Variants in GLI2 observed in about 807,000 individuals in gnomAD.
The protein encoded by GLI2 is GLI family zinc finger 2, also known as transcription activator GLI2.
GLI2 carries 22 observed loss-of-function variants against 78.9 expected under a neutral mutation model. The ratio of observed to expected loss-of-function variants is 0.28; its 90% CI spans 0.20 to 0.40. The LOEUF (loss-of-function observed/expected upper bound fraction) is 0.40, where lower values mean the gene tolerates loss of function less well. Ranked by LOEUF, GLI2 falls within the 10% of genes least tolerant of loss-of-function variation. GLI2 has a pLI of 1.00. For synonymous variants in GLI2, 974 were observed against 963.7 expected (o/e 1.01, Z -0.20); for missense variants, 2,097 against 2,213.2 (o/e 0.95, Z 1.05).
Position 120,990,214 on chromosome 2 carries a change from C to A in GLI2, c.4249C>A (p.Gln1417Lys), listed in dbSNP as rs1021233659. 6 of 1,613,582 alleles carry A rather than the reference C, an allele frequency of 3.7e-6. No homozygotes were observed. The highest frequency in any genetic ancestry group is 5.1e-6 in the Non-Finnish European group (6 of 1,180,032). Residue 1417 changes from glutamine (Q) to lysine (K), a missense_variant, in exon 14 of 14, where the codon CAG (glutamine) becomes AAG (lysine). Gln to Lys is a moderately conservative substitution (Grantham distance 53, BLOSUM62 1). This residue lies in a region of GLI2 where 1,290 missense variants were observed against 1,261.7 expected (regional missense o/e 1.02). Coordinates refer to ENST00000361492, the MANE Select transcript of GLI2 (RefSeq NM_001374353.1). Reference sequence around the variant, plus strand: ...GTCGGTGCCTCCCCAGCCGCCTCCGCAGGACGCAGGTGGGGCCCCGGACCA... The same window carrying A: ...GTCGGTGCCTCCCCAGCCGCCTCCGAAGGACGCAGGTGGGGCCCCGGACCA... The part of the protein sequence containing the change: ...MGSVPPQPPP[Q>K]DAGGAPDHSM...
chr2:120,819,235 A>G (rs560801535), intron 2 of GLI2, among the ~76,000 whole-genome samples: 11 of 112,972 alleles, frequency 9.7e-5, no homozygotes, highest in Admixed American at 6.1e-4. Context: ...TGCCACTAAT[A>G]GAGATTTTTT....
At chr2:120,890,293 C>A (rs1677614762) in intron 2 of GLI2, among the ~76,000 whole-genome samples, 1 of 152,030 alleles carries the variant, frequency 6.6e-6, no homozygotes, top group Non-Finnish European at 1.5e-5. Flanking sequence ...TCAATGGTTT[C>A]CAGGGTTTAA....
At chr2:120,878,316 G>A (rs556418473) in intron 2 of GLI2, among the ~76,000 whole-genome samples, 24 of 152,146 alleles carry the variant, frequency 1.6e-4, no homozygotes, top group Non-Finnish European at 3.4e-4. Flanking sequence ...GCCAATAATG[G>A]CTCTAACTGA....
chr2:120,778,078 T>C (rs1683734917), intron 1 of GLI2, among the ~76,000 whole-genome samples: 2 of 152,164 alleles, frequency 1.3e-5, no homozygotes, highest in South Asian at 4.2e-4. Flanking sequence ...GGGCTTGTTT[T>C]TGTTTGGAGG....
At chr2:120,881,607 C>T (rs950846609) in intron 2 of GLI2, among the ~76,000 whole-genome samples, 3 of 29,818 alleles carry the variant, frequency 1.0e-4, no homozygotes, top group African/African-American at 2.7e-4. Context: ...GCTGGGGTGG[C>T]GGGGGGGAGG....
intron 2 of GLI2, among the ~76,000 whole-genome samples, chr2:120,924,947 G>A (rs1679588017): frequency 6.6e-6 from 1 of 152,244 alleles, no homozygotes; most frequent in South Asian, 2.1e-4. Context: ...AGCCATGTAG[G>A]TAGTTACTGT....
chr2:120,901,629 C>A (rs1448722593), intron 2 of GLI2, among the ~76,000 whole-genome samples: 2 of 152,194 alleles, frequency 1.3e-5, no homozygotes, highest in East Asian at 1.9e-4. Flanking sequence ...CATCCTGTTT[C>A]TTATTATTTG....
chr2:120,763,123 T>A (rs2104647538), intron 1 of GLI2, among the ~76,000 whole-genome samples: 1 of 152,322 alleles, frequency 6.6e-6, no homozygotes, highest in South Asian at 2.1e-4. Flanking sequence ...CTGGACTTAA[T>A]CTTGGGTTCT....
intron 2 of GLI2, among the ~76,000 whole-genome samples, chr2:120,811,827 C>G (rs1308165988): frequency 6.6e-6 from 1 of 152,104 alleles, no homozygotes; most frequent in African/African-American, 2.4e-5. Context: ...TCAGAAGATT[C>G]TTTTTCCTCC....
Position 120,990,280 on chromosome 2 carries a change from C to A in GLI2, c.4315C>A (p.Gln1439Lys). ...CTACGGCCAGATCCACATGTACGAA[C>A]AGGATGGAGGCCTGGAGAACCTCGG... Reference protein sequence around the residue: ...YYYGQIHMYEQDGGLENLGSC... With the variant: ...YYYGQIHMYEKDGGLENLGSC... Residue 1439 changes from glutamine to lysine, a missense_variant, in exon 14 of 14, where the codon CAG (glutamine) becomes AAG (lysine). Gln to Lys is a moderately conservative substitution (Grantham distance 53). Around this residue, in one of 5 missense-constraint regions of GLI2, gnomAD observed 1,290 missense variants for 1,261.7 expected, o/e 1.02. Transcript: ENST00000361492. 5 of 1,613,774 alleles carry A rather than the reference C, an allele frequency of 3.1e-6. No individual in the cohort carries two copies. In the East Asian group the frequency reaches 6.7e-5, roughly 22 times the overall value.
In GLI2 at chr2:120,797,299, C is replaced by T; in HGVS notation, c.-22C>T. 6.2e-7 allele frequency: 1 copy of T among 1,613,630 alleles called. No individual in the cohort carries two copies. The highest frequency in any genetic ancestry group is 8.5e-7 in the Non-Finnish European group (1 of 1,179,692). ...TTTGTCTTCTCTTTTAGGATTGCCA[C>T]CCAGGACGATGAGCGGCTGAGATGG... is the stretch of plus-strand genomic sequence containing the variant. On this transcript the variant is annotated 5_prime_UTR_variant, in exon 2 of 14. Coordinates refer to ENST00000361492, the MANE Select transcript of GLI2 (RefSeq NM_001374353.1).
At position 120,926,966 on chromosome 2, in the gene GLI2, C is replaced by T. The variant is rs147869386; in HGVS notation, c.149-395C>T. Among the ~76,000 whole-genome samples the T allele has an allele frequency of 3.3e-5, 5 of 152,178 alleles. No individual in the cohort carries two copies. In the South Asian group the frequency reaches 6.2e-4, roughly 19 times the overall value. ...TGCGTGCACTGCAGCATCCGGATGC[C>T]GTAACCTGGTGCTGCTGGAGCCACA... On this transcript the variant is annotated intron_variant, in intron 2 of 13. Transcript: ENST00000361492.
At chr2:120,970,041 G>A (rs1250932660) in intron 6 of GLI2, among the ~76,000 whole-genome samples, 1 of 152,170 alleles carries the variant, frequency 6.6e-6, no homozygotes, top group African/African-American at 2.4e-5. Flanking sequence ...GGATTCGGAG[G>A]CCTCATGGGT....
Position 120,970,516 on chromosome 2 carries a change from C to T in GLI2, c.969C>T (p.Phe323=). 1 of 1,614,126 alleles carries T rather than the reference C, an allele frequency of 6.2e-7. No individual in the cohort carries two copies. The highest frequency in any genetic ancestry group is 8.5e-7 in the Non-Finnish European group (1 of 1,179,968). Reference sequence around the variant, plus strand: ...CCCTGATCCAGCCCTCACCCACCTTCCTGGCCCAGCAGCCCATGGCCCTCA... The same window carrying T: ...CCCTGATCCAGCCCTCACCCACCTTTCTGGCCCAGCAGCCCATGGCCCTCA... ...TPPLIQPSPT[F]LAQQPMALTS... Residue 323 remains phenylalanine, a synonymous_variant, in exon 7 of 14, where the codon TTC becomes TTT. Coordinates refer to ENST00000361492, the MANE Select transcript of GLI2 (RefSeq NM_001374353.1).
At chr2:120,949,319 CCA>C (rs1338895380) in intron 3 of GLI2, among the ~76,000 whole-genome samples, 10 of 152,252 alleles carry the variant, frequency 6.6e-5, no homozygotes, top group African/African-American at 1.9e-4. Context: ...GTGACTTATT[CCA>C]CAGTCTCCCT....
intron 2 of GLI2, among the ~76,000 whole-genome samples, chr2:120,870,436 T>C (rs558162647): frequency 1.3e-5 from 2 of 152,222 alleles, no homozygotes; most frequent in South Asian, 4.2e-4. Flanking sequence ...AGATCTTGTG[T>C]GGTGTCAACG....
At chr2:120,919,956 G>A (rs1350905491) in intron 2 of GLI2, among the ~76,000 whole-genome samples, 1 of 152,230 alleles carries the variant, frequency 6.6e-6, no homozygotes, top group African/African-American at 2.4e-5. Context: ...TCGTAACACA[G>A]ACCTGTATGG....
intron 1 of GLI2, among the ~76,000 whole-genome samples, chr2:120,780,909 C>G (rs927266189): frequency 6.6e-6 from 1 of 152,224 alleles, no homozygotes; most frequent in Non-Finnish European, 1.5e-5. Context: ...CACCCCACCT[C>G]TGTCCATGAA....
chr2:120,919,522 C>A (rs1164896386), intron 2 of GLI2, among the ~76,000 whole-genome samples: 1 of 152,264 alleles, frequency 6.6e-6, no homozygotes, highest in Non-Finnish European at 1.5e-5. Flanking sequence ...ATCACAGAGG[C>A]CACCTGAGTG....
Sources: allele counts gnomAD v4.1 joint callset (sites outside exome capture counted in the v4.1 genomes callset), GRCh38; gene constraint gnomAD v4.1.1; regional missense constraint gnomAD v4.1.1; transcripts MANE v1.5; gene names NCBI Gene and HGNC (gene_info 2026-07-23, HGNC 2026-07-21).